The following HDAC1 variants were observed in gnomAD, a reference collection of about 807,000 sequenced individuals.
HDAC1 encodes the protein histone deacetylase 1, also known as protein deacetylase HDAC1.
A neutral mutation model predicts 65.5 loss-of-function variants in HDAC1; 18 were observed. The observed-to-expected ratio is 0.27, with a 90% CI of 0.19 to 0.41. HDAC1 has a LOEUF of 0.41. Among genes scored for constraint, HDAC1 ranks in the 10% least tolerant of loss-of-function variants. HDAC1 has a pLI of 1.00. For missense variants in HDAC1, 373 were observed against 625.2 expected, an observed-to-expected ratio of 0.60 and a Z score of 4.30; for synonymous variants, 211 against 227.9, an observed-to-expected ratio of 0.93 and a Z score of 0.67.
Position 32,331,527 on chromosome 1 carries a change from A to G in HDAC1, c.1033A>G (p.Ile345Val). Residue 345 changes from isoleucine (I) to valine (V), a missense_variant, in exon 10 of 14, where the codon ATC (isoleucine) becomes GTC (valine). Physicochemically the swap from Ile to Val is conservative, Grantham distance 29. Transcript: ENST00000373548. This position sits in a 1 kb window ranked among gnomAD's most constrained non-coding sequence, Gnocchi z 4.2. ...EYFGPDFKLH[I>V]SPSNMTNQNT... is the part of the protein sequence containing the mutation. Reference sequence around the variant, plus strand: ...CTTTGGACCAGATTTCAAGCTCCACATCAGTCCTTCCAATATGACTAACCA... The same window carrying G: ...CTTTGGACCAGATTTCAAGCTCCACGTCAGTCCTTCCAATATGACTAACCA... The G allele has an allele frequency of 1.2e-6, 2 of 1,612,972 alleles. No homozygotes were observed. Among genetic ancestry groups the G allele is most frequent in the Non-Finnish European group, 1.7e-6 (2 of 1,178,966 alleles).
chr1:32,302,757 C>A, intron 2 of HDAC1, 24 bp downstream of exon 2: 1 of 1,014,254 alleles, frequency 9.9e-7, no homozygotes, highest in Non-Finnish European at 1.6e-6. Flanking sequence ...GGTGCTACCG[C>A]TCCCTAACCT....
At chr1:32,304,929 G>A (rs1640892829) in intron 2 of HDAC1, among the ~76,000 whole-genome samples, 1 of 151,930 alleles carries the variant, frequency 6.6e-6, no homozygotes, top group African/African-American at 2.4e-5. Context: ...CCAGGCTGGT[G>A]TCAAACCCCT....
In HDAC1 at chr1:32,321,242, A is replaced by T. The variant is rs560255992; in HGVS notation, c.281-3237A>T. ...CAAGACTCTGTCTCAAAAAAAAAAA[A>T]ATAATAATAATAATATAATGAACAT... On this transcript the variant is annotated intron_variant, in intron 3 of 13. Coordinates refer to ENST00000373548, the MANE Select transcript of HDAC1 (RefSeq NM_004964.3). 5.8e-4 allele frequency among the ~76,000 whole-genome samples: 88 copies of T among 151,382 alleles called. 2 individuals are homozygous for T. Among genetic ancestry groups the T allele is most frequent in the African/African-American group, 2.0e-3 (82 of 41,356 alleles).
chr1:32,297,807 T>TTTTGG (rs1285293523), intron 1 of HDAC1, among the ~76,000 whole-genome samples: 1 of 120,658 alleles, frequency 8.3e-6, no homozygotes, highest in Non-Finnish European at 1.8e-5. Context: ...TTTTTTTTTT[T>TTTTGG]GAGATGGAGT....
chr1:32,318,500 C>T (rs1283364958), intron 3 of HDAC1, among the ~76,000 whole-genome samples: 1 of 151,682 alleles, frequency 6.6e-6, no homozygotes, highest in Non-Finnish European at 1.5e-5. Context: ...AAGGTCGAGG[C>T]TGCAGTGAGC....
At chr1:32,323,655 C>T (rs975872296) in intron 3 of HDAC1, among the ~76,000 whole-genome samples, 1 of 152,142 alleles carries the variant, frequency 6.6e-6, no homozygotes, top group Admixed American at 6.5e-5. Flanking sequence ...GCCTTAGCCT[C>T]CCGAAGTGCT....
intron 1 of HDAC1, among the ~76,000 whole-genome samples, chr1:32,292,712 AAGG>A (rs1445232242): frequency 6.6e-6 from 1 of 152,030 alleles, no homozygotes; most frequent in Non-Finnish European, 1.5e-5. Context: ...CAGGGGTTGC[AAGG>A]AGAAGGATGC....
rs142163813 is a variant in HDAC1 at position 32,306,119 on chromosome 1, A to G, written c.162+3386A>G. Reference sequence around the variant, plus strand: ...AGTAAGTCTTGTTATCTGGTAGCACAGTCCTCCCACTTTGTTCTTCTGAAA... The same window carrying G: ...AGTAAGTCTTGTTATCTGGTAGCACGGTCCTCCCACTTTGTTCTTCTGAAA... On this transcript the variant is annotated intron_variant, in intron 2 of 13. Coordinates refer to ENST00000373548, the MANE Select transcript of HDAC1 (RefSeq NM_004964.3). Among the ~76,000 whole-genome samples the G allele has an allele frequency of 2.1e-3, 323 of 151,990 alleles. 1 individual carries two copies. The highest frequency in any genetic ancestry group is 7.5e-3 in the African/African-American group (312 of 41,460).
chr1:32,309,680 C>CAAAAA (rs560312057), intron 2 of HDAC1, among the ~76,000 whole-genome samples: 4 of 50,906 alleles, frequency 7.9e-5, no homozygotes, highest in African/African-American at 2.0e-4. Context: ...GAGCGAGTCT[C>CAAAAA]AAAAAAAAAA....
Position 32,331,519 on chromosome 1 carries a change from A to G in HDAC1, c.1025A>G (p.Lys342Arg). 1 of 1,612,692 alleles carries G rather than the reference A, an allele frequency of 6.2e-7. No individual in the cohort carries two copies. Among genetic ancestry groups the G allele is most frequent in the Non-Finnish European group, 8.5e-7 (1 of 1,178,694 alleles). The change falls in exon 10 of 14, where the codon AAG (lysine) becomes AGG (arginine). Residue 342 changes from lysine (K) to arginine (R), a missense_variant. By Grantham distance (26) the Lys-to-Arg change is conservative. Coordinates refer to ENST00000373548, the MANE Select transcript of HDAC1 (RefSeq NM_004964.3). The surrounding 1 kb of genome is among the most constrained non-coding windows in gnomAD (Gnocchi z 4.2). ...TTTGAATACTTTGGACCAGATTTCA[A>G]GCTCCACATCAGTCCTTCCAATATG... ...DYFEYFGPDF[K>R]LHISPSNMTN...
intron 3 of HDAC1, among the ~76,000 whole-genome samples, chr1:32,322,679 A>G (rs1641163567): frequency 6.6e-6 from 1 of 151,978 alleles, no homozygotes; most frequent in Non-Finnish European, 1.5e-5. Context: ...CATTTGCCTT[A>G]TTGTTTGCAT....
intron 1 of HDAC1, among the ~76,000 whole-genome samples, chr1:32,295,269 C>T (rs1640751883): frequency 6.6e-6 from 1 of 151,962 alleles, no homozygotes; most frequent in South Asian, 2.1e-4. Context: ...AAAAAATTAG[C>T]TGGGCATGAT....
chr1:32,322,028 T>G (rs1293995283), intron 3 of HDAC1, among the ~76,000 whole-genome samples: 3 of 152,162 alleles, frequency 2.0e-5, no homozygotes, highest in Non-Finnish European at 2.9e-5. Flanking sequence ...CCCTCCAAGT[T>G]TAGTGCAGAA....
At chr1:32,311,816 A>G (rs1161794414) in intron 2 of HDAC1, among the ~76,000 whole-genome samples, 1 of 152,172 alleles carries the variant, frequency 6.6e-6, no homozygotes, top group African/African-American at 2.4e-5. Flanking sequence ...TTGTGGGTGG[A>G]GCAGACTGAG....
At chr1:32,292,290 G>A (rs1640708754) in intron 1 of HDAC1, 72 bp downstream of exon 1, 1 of 1,541,588 alleles carries the variant, frequency 6.5e-7, no homozygotes, top group Non-Finnish European at 8.7e-7. Context: ...TGAGGCTGGA[G>A]CGCCGATGGG....
intron 2 of HDAC1, among the ~76,000 whole-genome samples, chr1:32,305,739 T>G (rs1640902836): frequency 6.6e-6 from 1 of 151,874 alleles, no homozygotes; most frequent in Non-Finnish European, 1.5e-5. Flanking sequence ...GCCTCCTGAG[T>G]AGCTGGGACC....
Position 32,332,916 on chromosome 1 carries a change from C to A in HDAC1, c.1422-101C>A, listed in dbSNP as rs1641317003. On this transcript the variant is annotated intron_variant, in intron 13 of 13. Coordinates refer to ENST00000373548, the MANE Select transcript of HDAC1 (RefSeq NM_004964.3). Reference sequence around the variant, plus strand: ...TTCTAGGCAGAGCTAGGAGCCCCAGCCCCCAGTAGTCACCTAGGATCCTGT... The same window carrying A: ...TTCTAGGCAGAGCTAGGAGCCCCAGACCCCAGTAGTCACCTAGGATCCTGT... The A allele has an allele frequency of 3.9e-6, 5 of 1,295,732 alleles. No homozygotes were observed. In the East Asian group the frequency reaches 1.2e-4, roughly 32 times the overall value. The allele number at this position is 1,295,732 out of a possible 1,614,324, so 80.3% of individuals were successfully genotyped here. A position where few individuals can be genotyped will look rare whatever the true frequency, so the allele number is the denominator to read the frequency against.
At chr1:32,311,867 C>A (rs966527310) in intron 2 of HDAC1, among the ~76,000 whole-genome samples, 3 of 152,046 alleles carry the variant, frequency 2.0e-5, no homozygotes, top group Non-Finnish European at 4.4e-5. Flanking sequence ...GAACTAAGAT[C>A]AAAATGGAGT....
Position 32,329,409 on chromosome 1 carries a change from A to G in HDAC1, c.729+249A>G, listed in dbSNP as rs1641261757. Reference sequence around the variant, plus strand: ...TAAGACATGATCTTTGCCCTCACGGACTATGGTGGGGAAGGCAGGCACATA... The same window carrying G: ...TAAGACATGATCTTTGCCCTCACGGGCTATGGTGGGGAAGGCAGGCACATA... On this transcript the variant is annotated intron_variant, in intron 7 of 13. Coordinates refer to ENST00000373548, the MANE Select transcript of HDAC1 (RefSeq NM_004964.3). The surrounding 1 kb of genome is among the most constrained non-coding windows in gnomAD (Gnocchi z 4.1). 1.7e-6 allele frequency: 1 copy of G among 581,034 alleles called. No homozygotes were observed. The highest frequency in any genetic ancestry group is 3.1e-6 in the Non-Finnish European group (1 of 324,574). The allele number at this position is 581,034 out of a possible 1,614,324, so 36.0% of individuals were successfully genotyped here.
Sources: gnomAD v4.1 joint callset for allele counts (sites outside exome capture counted in the v4.1 genomes callset) on GRCh38, gnomAD v4.1.1 for gene constraint, Gnocchi (gnomAD v3.1) non-coding constraint, MANE v1.5 for transcripts, NCBI Gene and HGNC (gene_info 2026-07-23, HGNC 2026-07-21) for gene names.